KCNJ6: variants seen among roughly 807,000 people sequenced by gnomAD.
The protein encoded by KCNJ6 is G protein-activated inward rectifier potassium channel 2.
KCNJ6 carries 9 observed loss-of-function variants against 34.2 expected under a neutral mutation model. That is an observed-to-expected ratio of 0.26 (90% CI 0.16 to 0.46). The LOEUF (loss-of-function observed/expected upper bound fraction) is 0.46, where lower values mean the gene tolerates loss of function less well. Ranked by LOEUF, KCNJ6 falls within the 20% of genes least tolerant of loss-of-function variation. The pLI, the probability that KCNJ6 is intolerant of heterozygous loss-of-function variation, is 1.00. For synonymous variants in KCNJ6, 196 were observed against 207.1 expected (o/e 0.95, Z 0.46); for missense variants, 236 against 531.3 (o/e 0.44, Z 5.46).
Position 37,619,974 on chromosome 21 carries a change from C to A in KCNJ6, c.*5185G>T, listed in dbSNP as rs1265470660. ...AAAAGGAAGGATTCTTCCTTTGAGA[C>A]CCTAACTGAATGACTGGGCTCTCTA... On this transcript the variant is annotated 3_prime_UTR_variant, in exon 4 of 4. Transcript: ENST00000609713. The A allele has an allele frequency of 6.6e-6, 1 of 152,142 alleles. No homozygotes were observed. The highest frequency in any genetic ancestry group is 1.5e-5 in the Non-Finnish European group (1 of 68,022). The allele number at this position is 152,142 out of a possible 1,614,324, so 9.4% of individuals were successfully genotyped here. A position where few individuals can be genotyped will look rare whatever the true frequency, so the allele number is the denominator to read the frequency against.
chr21:37,639,456 A>T (rs1254318089), intron 3 of KCNJ6, among the ~76,000 whole-genome samples: 1 of 152,130 alleles, frequency 6.6e-6, no homozygotes, highest in Non-Finnish European at 1.5e-5. Context: ...CTATGTGGTT[A>T]TGTTATCCAT....
At chr21:37,773,238 TTC>T (rs2055125987) in intron 2 of KCNJ6, among the ~76,000 whole-genome samples, 1 of 152,166 alleles carries the variant, frequency 6.6e-6, no homozygotes, top group Non-Finnish European at 1.5e-5. Context: ...GCTCTGAGGC[TTC>T]ACGGCATAGC....
intron 3 of KCNJ6, among the ~76,000 whole-genome samples, chr21:37,630,621 G>A (rs1399673689): frequency 6.6e-6 from 1 of 152,090 alleles, no homozygotes; most frequent in African/African-American, 2.4e-5. Flanking sequence ...ACACAATGCT[G>A]GAAAATTACA....
intron 3 of KCNJ6, among the ~76,000 whole-genome samples, chr21:37,643,559 C>T (rs13049891): frequency 0.083 from 12,660 of 152,174 alleles, 736 homozygotes; most frequent in Non-Finnish European, 0.13. Flanking sequence ...AGTTGCTGCA[C>T]GGGAGTCGGA....
intron 2 of KCNJ6, among the ~76,000 whole-genome samples, chr21:37,798,633 C>G (rs999766738): frequency 6.6e-6 from 1 of 152,150 alleles, no homozygotes; most frequent in Non-Finnish European, 1.5e-5. Flanking sequence ...ATAGATGAAC[C>G]TTGAAAACAT....
At position 37,675,827 on chromosome 21, in the gene KCNJ6, C is replaced by T. The variant is rs760160770; in HGVS notation, c.946+38384G>A. Among the ~76,000 whole-genome samples, 1 of 150,718 alleles carries T rather than the reference C, an allele frequency of 6.6e-6. No homozygotes were observed. Among genetic ancestry groups the T allele is most frequent in the East Asian group, 2.0e-4 (1 of 4,996 alleles). On this transcript the variant is annotated intron_variant, in intron 3 of 3. Coordinates refer to ENST00000609713, the MANE Select transcript of KCNJ6 (RefSeq NM_002240.5). The surrounding 1 kb of genome is among the most constrained non-coding windows in gnomAD (Gnocchi z 4.2). Reference sequence around the variant, plus strand: ...AATTCCTATGCTAGAGTTACCTTAACGGCAAGCCAGACCCCTGACCCCAAC... The same window carrying T: ...AATTCCTATGCTAGAGTTACCTTAATGGCAAGCCAGACCCCTGACCCCAAC...
At chr21:37,697,986 T>C (rs1232454506) in intron 3 of KCNJ6, among the ~76,000 whole-genome samples, 14 of 152,128 alleles carry the variant, frequency 9.2e-5, no homozygotes, top group Non-Finnish European at 2.9e-5. Flanking sequence ...ACACTTTAAG[T>C]AGTGGGAGTA....
chr21:37,712,436 T>C (rs1295723138), intron 3 of KCNJ6, among the ~76,000 whole-genome samples: 7 of 147,848 alleles, frequency 4.7e-5, no homozygotes, highest in Non-Finnish European at 6.0e-5. Context: ...TATTTCTCTT[T>C]CCTCCCTCCT....
chr21:37,761,972 C>T (rs923152140), intron 2 of KCNJ6, among the ~76,000 whole-genome samples: 2 of 152,048 alleles, frequency 1.3e-5, no homozygotes, highest in Admixed American at 6.5e-5. Context: ...ATGCCTGCAA[C>T]GATTTAATTA....
intron 2 of KCNJ6, among the ~76,000 whole-genome samples, chr21:37,776,519 TC>T (rs760494166): frequency 1.3e-5 from 2 of 152,166 alleles, no homozygotes; most frequent in Non-Finnish European, 2.9e-5. Flanking sequence ...TTGAGATACG[TC>T]CCATCAATAC....
chr21:37,635,338 C>T (rs2054352681), intron 3 of KCNJ6, among the ~76,000 whole-genome samples: 1 of 151,650 alleles, frequency 6.6e-6, no homozygotes, highest in Admixed American at 6.6e-5. Context: ...TCCCCCAAGC[C>T]TCCCAAGTAG....
intron 1 of KCNJ6, among the ~76,000 whole-genome samples, chr21:37,861,910 A>G (rs2055596659): frequency 6.6e-6 from 1 of 152,202 alleles, no homozygotes. Flanking sequence ...GGTGACTGGA[A>G]AGGAGAGGAG....
At chr21:37,800,983 C>T (rs555225007) in intron 2 of KCNJ6, among the ~76,000 whole-genome samples, 2 of 152,208 alleles carry the variant, frequency 1.3e-5, no homozygotes, top group East Asian at 1.9e-4. Flanking sequence ...GTAGGGAAGA[C>T]GGATGTTGGG....
chr21:37,721,875 T>TG (rs1322564186), intron 2 of KCNJ6, among the ~76,000 whole-genome samples: 1 of 152,234 alleles, frequency 6.6e-6, no homozygotes, highest in Non-Finnish European at 1.5e-5. Flanking sequence ...GGTGAGTATG[T>TG]GCTTGCTTCC....
At chr21:37,683,189 A>G (rs2054597914) in intron 3 of KCNJ6, among the ~76,000 whole-genome samples, 1 of 152,220 alleles carries the variant, frequency 6.6e-6, no homozygotes, top group Non-Finnish European at 1.5e-5. Flanking sequence ...TGGCTACAAG[A>G]CATCACCAAA....
intron 3 of KCNJ6, among the ~76,000 whole-genome samples, chr21:37,700,927 G>A (rs914987243): frequency 1.3e-5 from 2 of 152,190 alleles, no homozygotes; most frequent in African/African-American, 4.8e-5. Flanking sequence ...TGTGGAGCAC[G>A]TGGGAGGGAA....
chr21:37,629,225 C>A (rs920096985), intron 3 of KCNJ6, among the ~76,000 whole-genome samples: 1 of 152,042 alleles, frequency 6.6e-6, no homozygotes, highest in African/African-American at 2.4e-5. Flanking sequence ...AAGGTTATTC[C>A]ATTTTATGGC....
At chr21:37,900,137 T>C (rs181745369) in intron 1 of KCNJ6, among the ~76,000 whole-genome samples, 4 of 152,270 alleles carry the variant, frequency 2.6e-5, no homozygotes, top group African/African-American at 9.6e-5. Flanking sequence ...AACAAAAGCT[T>C]TCAAAAAAGT....
intron 3 of KCNJ6, among the ~76,000 whole-genome samples, chr21:37,652,005 A>G (rs2054435953): frequency 6.6e-6 from 1 of 152,182 alleles, no homozygotes; most frequent in African/African-American, 2.4e-5. Context: ...TCACTGGTGT[A>G]CAGTAGCTGA....
Sources: gnomAD v4.1 joint callset for allele counts (sites outside exome capture counted in the v4.1 genomes callset) on GRCh38, gnomAD v4.1.1 for gene constraint, Gnocchi (gnomAD v3.1) non-coding constraint, MANE v1.5 for transcripts, NCBI Gene and HGNC (gene_info 2026-07-23, HGNC 2026-07-21) for gene names.